VEPH1: variants seen among roughly 807,000 people sequenced by gnomAD.
The protein encoded by VEPH1 is ventricular zone-expressed PH domain-containing protein homolog 1.
VEPH1 carries 80 observed loss-of-function variants against 85.2 expected under a neutral mutation model. That is an observed-to-expected ratio of 0.94 (90% CI 0.78 to 1.13). The LOEUF is 1.13. VEPH1 is among the 50% of genes most tolerant of loss of function. The pLI, the probability that VEPH1 is intolerant of heterozygous loss-of-function variation, is 0.00. For missense variants in VEPH1, 955 were observed against 980.5 expected (o/e 0.97, Z 0.35); for synonymous variants, 297 against 348.0 (o/e 0.85, Z 1.63).
Position 157,286,344 on chromosome 3 carries a change from A to T in VEPH1, c.2128+213T>A. ...GCTTCCTTGATAACCACATATAGGT[A>T]AGGGATTGTTTCTCTGCCTCCCAAA... On this transcript the variant is annotated intron_variant, in intron 12 of 13. Coordinates refer to ENST00000362010, the MANE Select transcript of VEPH1 (RefSeq NM_001167912.2). 5 of 582,220 alleles carry T rather than the reference A, an allele frequency of 8.6e-6. No homozygotes were observed. The South Asian group carries it at 9.5e-5, about 11-fold the overall frequency. 36.1% of individuals were successfully genotyped at this position (582,220 alleles called of 1,614,324 possible).
At chr3:157,262,935 A>C (rs564751708) in intron 13 of VEPH1, among the ~76,000 whole-genome samples, 116 of 152,312 alleles carry the variant, frequency 7.6e-4, no homozygotes, top group African/African-American at 2.6e-3. Flanking sequence ...ACAGAGATTG[A>C]TACGAAAATA....
At position 157,286,349 on chromosome 3, in the gene VEPH1, A is replaced by C. The variant is rs1420392687; in HGVS notation, c.2128+208T>G. 4.5e-5 allele frequency: 27 copies of C among 595,984 alleles called. No homozygotes were observed. The East Asian group carries it at 7.7e-4, about 17-fold the overall frequency. 36.9% of individuals were successfully genotyped at this position (595,984 alleles called of 1,614,324 possible). A position where few individuals can be genotyped will look rare whatever the true frequency, so the allele number is the denominator to read the frequency against. On this transcript the variant is annotated intron_variant, in intron 12 of 13. Coordinates refer to ENST00000362010, the MANE Select transcript of VEPH1 (RefSeq NM_001167912.2). The stretch of plus-strand genomic sequence containing the variant: ...CTTGATAACCACATATAGGTAAGGG[A>C]TTGTTTCTCTGCCTCCCAAAGTTTT...
intron 9 of VEPH1, among the ~76,000 whole-genome samples, chr3:157,338,861 C>A (rs1044566708): frequency 6.6e-6 from 1 of 152,230 alleles, no homozygotes; most frequent in Non-Finnish European, 1.5e-5. Context: ...TTGTCCCTTG[C>A]TCCTCATTTG....
intron 2 of VEPH1, among the ~76,000 whole-genome samples, chr3:157,474,505 G>A (rs1350148): frequency 0.82 from 124,188 of 152,178 alleles, 51,434 homozygotes; most frequent in East Asian, 1. Context: ...CTCTCTTTCT[G>A]TAACTTTCTA....
chr3:157,350,687 A>G (rs181892083), intron 9 of VEPH1, among the ~76,000 whole-genome samples: 1 of 152,316 alleles, frequency 6.6e-6, no homozygotes, highest in South Asian at 2.1e-4. Flanking sequence ...AAAATCTAAC[A>G]ATCTGATTTA....
intron 6 of VEPH1, among the ~76,000 whole-genome samples, chr3:157,393,406 A>T (rs1730061538): frequency 1.3e-5 from 2 of 152,242 alleles, no homozygotes; most frequent in Non-Finnish European, 2.9e-5. Context: ...ATTGTAAAGT[A>T]TCTAGCATAG....
Position 157,260,036 on chromosome 3 carries a change from C to T in VEPH1, c.*1098G>A, listed in dbSNP as rs1712686316. The T allele has an allele frequency of 6.6e-6, 1 of 152,166 alleles. No individual in the cohort carries two copies. The highest frequency in any genetic ancestry group is 2.4e-5 in the African/African-American group (1 of 41,438). 9.4% of individuals were successfully genotyped at this position (152,166 alleles called of 1,614,324 possible). A position where few individuals can be genotyped will look rare whatever the true frequency, so the allele number is the denominator to read the frequency against. The stretch of plus-strand genomic sequence containing the variant: ...AAAGGACTAGTCTGATTAGGTCAGG[C>T]CCACCCAGGGGATCTCTTTGATTAA... On this transcript the variant is annotated 3_prime_UTR_variant, in exon 14 of 14. Coordinates refer to ENST00000362010, the MANE Select transcript of VEPH1 (RefSeq NM_001167912.2).
At chr3:157,416,885 A>G (rs1289841195) in intron 5 of VEPH1, among the ~76,000 whole-genome samples, 1 of 151,330 alleles carries the variant, frequency 6.6e-6, no homozygotes. Flanking sequence ...ACAGACAGAA[A>G]GAAAGAAAGA....
intron 11 of VEPH1, among the ~76,000 whole-genome samples, chr3:157,295,960 AAAAT>A (rs1053389109): frequency 2.0e-5 from 3 of 151,898 alleles, no homozygotes; most frequent in African/African-American, 7.3e-5. Context: ...ATCTCAAAAA[AAAAT>A]AAATAAATAA....
intron 4 of VEPH1, among the ~76,000 whole-genome samples, chr3:157,436,041 C>T (rs541870666): frequency 6.1e-4 from 93 of 152,132 alleles, no homozygotes; most frequent in Admixed American, 5.0e-3. Context: ...ATTTGGGAGG[C>T]GAAGGCGGGT....
At chr3:157,267,960 A>G (rs528926704) in intron 12 of VEPH1, among the ~76,000 whole-genome samples, 1 of 152,220 alleles carries the variant, frequency 6.6e-6, no homozygotes, top group South Asian at 2.1e-4. Context: ...CAGTGATAAG[A>G]CCCCCAATCT....
intron 9 of VEPH1, among the ~76,000 whole-genome samples, chr3:157,335,895 AG>A (rs1243088730): frequency 6.6e-6 from 1 of 152,176 alleles, no homozygotes; most frequent in Non-Finnish European, 1.5e-5. Flanking sequence ...GGACTCATGC[AG>A]GGCGGTGGAG....
intron 6 of VEPH1, among the ~76,000 whole-genome samples, chr3:157,386,780 T>G (rs1259437748): frequency 6.6e-6 from 1 of 152,198 alleles, no homozygotes. Context: ...ACGAGTACAG[T>G]GTGGTGCCAC....
At chr3:157,297,659 G>A (rs1718299388) in intron 11 of VEPH1, among the ~76,000 whole-genome samples, 1 of 152,138 alleles carries the variant, frequency 6.6e-6, no homozygotes, top group Admixed American at 6.6e-5. Context: ...ATATGTGCAT[G>A]ATGAGGATGT....
In VEPH1 at chr3:157,381,211, C is replaced by T. The variant is rs772849491; in HGVS notation, c.1072G>A (p.Ala358Thr). ...DIFRMSNSFTAIAKLLTRQLE... is the reference protein window; with the variant it reads ...DIFRMSNSFTTIAKLLTRQLE... ...TGTCGGGTAAGGAGTTTAGCAATGG[C>T]GGTGAAGCTGTTGCTCATGCGGAAG... is the stretch of plus-strand genomic sequence containing the variant. The change falls in exon 7 of 14, where the codon GCC becomes ACC. Residue 358 changes from alanine (A) to threonine (T), a missense_variant. Coordinates refer to ENST00000362010, the MANE Select transcript of VEPH1 (RefSeq NM_001167912.2). 1.2e-5 allele frequency: 19 copies of T among 1,613,842 alleles called. No homozygotes were observed. The highest frequency in any genetic ancestry group is 1.7e-5 in the Admixed American group (1 of 59,976).
At position 157,340,138 on chromosome 3, in the gene VEPH1, C is replaced by A. The variant is rs569948492; in HGVS notation, c.1736-22937G>T. Among the ~76,000 whole-genome samples the A allele has an allele frequency of 7.9e-5, 12 of 152,274 alleles. No homozygotes were observed. In the East Asian group the frequency reaches 1.4e-3, roughly 17 times the overall value. ...GATTTCTGCATTTCCAACTGAGGTACCAGGTTCATCTCACTGGGGCTTGTC... is the reference window on the plus strand; with the variant it reads ...GATTTCTGCATTTCCAACTGAGGTAACAGGTTCATCTCACTGGGGCTTGTC... On this transcript the variant is annotated intron_variant, in intron 9 of 13. Coordinates refer to ENST00000362010, the MANE Select transcript of VEPH1 (RefSeq NM_001167912.2).
chr3:157,383,007 T>A (rs1329779150), intron 6 of VEPH1, among the ~76,000 whole-genome samples: 3 of 152,136 alleles, frequency 2.0e-5, no homozygotes, highest in African/African-American at 7.2e-5. Flanking sequence ...TTTTTTATTT[T>A]TATTTTTTTT....
At chr3:157,402,842 G>A (rs867823498) in intron 6 of VEPH1, among the ~76,000 whole-genome samples, 3 of 152,042 alleles carry the variant, frequency 2.0e-5, no homozygotes, top group African/African-American at 7.2e-5. Flanking sequence ...ATGAATACAC[G>A]TAGATGACAG....
chr3:157,438,069 A>ACACACACACACACACACACACACC (rs1237245016), intron 4 of VEPH1, among the ~76,000 whole-genome samples: 1 of 149,564 alleles, frequency 6.7e-6, no homozygotes, highest in African/African-American at 2.5e-5. Context: ...ACACACACAC[A>ACACACACACACACACACACACACC]CACCCCTATT....
Sources: gnomAD v4.1 joint callset for allele counts (sites outside exome capture counted in the v4.1 genomes callset) on GRCh38, gnomAD v4.1.1 for gene constraint, MANE v1.5 for transcripts, NCBI Gene and HGNC (gene_info 2026-07-23, HGNC 2026-07-21) for gene names.